The following ATP2A2 variants were observed in gnomAD, a reference collection of about 807,000 sequenced individuals.
ATP2A2 encodes sarcoplasmic/endoplasmic reticulum calcium ATPase 2.
A neutral mutation model predicts 109.3 loss-of-function variants in ATP2A2; 14 were observed. That is an observed-to-expected ratio of 0.13 (90% CI 0.08 to 0.20). ATP2A2 has a LOEUF of 0.20. Ranked by LOEUF, ATP2A2 falls within the 10% of genes least tolerant of loss-of-function variation. ATP2A2 has a pLI of 1.00. For synonymous variants in ATP2A2, 506 were observed against 490.9 expected (o/e 1.03, Z -0.41); for missense variants, 657 against 1,321.6 (o/e 0.50, Z 7.80).
intron 5 of ATP2A2, among the ~76,000 whole-genome samples, chr12:110,300,520 A>G (rs1874508279): frequency 1.3e-5 from 2 of 150,298 alleles, no homozygotes; most frequent in South Asian, 4.2e-4. Context: ...ACTCCCAGCT[A>G]ATTTTTTGTA....
Position 110,346,628 on chromosome 12 carries a change from G to A in ATP2A2, c.*158G>A. 6.8e-7 allele frequency: 1 copy of A among 1,477,060 alleles called. No homozygotes were observed. Among genetic ancestry groups the A allele is most frequent in the Middle Eastern group, 1.8e-4 (1 of 5,632 alleles). 91.5% of individuals were successfully genotyped at this position (1,477,060 alleles called of 1,614,324 possible). A position where few individuals can be genotyped will look rare whatever the true frequency, so the allele number is the denominator to read the frequency against. Reference sequence around the variant, plus strand: ...TGTTTTGCTTTTTCTGACTCCAGTGGGGCAAGATTTTCCTTTTTTATACAC... The same window carrying A: ...TGTTTTGCTTTTTCTGACTCCAGTGAGGCAAGATTTTCCTTTTTTATACAC... On this transcript the variant is annotated 3_prime_UTR_variant, in exon 20 of 20. Coordinates refer to ENST00000539276, the MANE Select transcript of ATP2A2 (RefSeq NM_170665.4).
At chr12:110,329,306 C>T (rs1566230552) in intron 8 of ATP2A2, 1 of 152,130 alleles carries the variant, frequency 6.6e-6, no homozygotes, top group Non-Finnish European at 1.5e-5. Flanking sequence ...TTATTTTTTC[C>T]ATCTGCTGTT....
At position 110,342,199 on chromosome 12, in the gene ATP2A2, G is replaced by A; in HGVS notation, c.2098-29G>A. 6.2e-7 allele frequency: 1 copy of A among 1,613,832 alleles called. No individual in the cohort carries two copies. Among genetic ancestry groups the A allele is most frequent in the Non-Finnish European group, 8.5e-7 (1 of 1,179,690 alleles). On this transcript the variant is annotated intron_variant, in intron 14 of 19. Transcript: ENST00000539276. The surrounding 1 kb of genome is among the most constrained non-coding windows in gnomAD (Gnocchi z 4.6). The stretch of plus-strand genomic sequence containing the variant: ...GGGTATGAATGTGGCATGCCAGTTG[G>A]CTGACCCAACCATTGCTTTCCCTTT...
rs1877921922 is a variant in ATP2A2 at position 110,327,468 on chromosome 12, T to C, written c.631-85T>C. ...GACCTAGTAGAATGTGTAGAGAATCTGGGTGCCCTAGTCAAAAACCAGCGT... is the reference window on the plus strand; with the variant it reads ...GACCTAGTAGAATGTGTAGAGAATCCGGGTGCCCTAGTCAAAAACCAGCGT... On this transcript the variant is annotated intron_variant, in intron 7 of 19. Transcript: ENST00000539276. This position sits in a 1 kb window ranked among gnomAD's most constrained non-coding sequence, Gnocchi z 4.4. The C allele has an allele frequency of 8.0e-7, 1 of 1,245,296 alleles. No homozygotes were observed. The highest frequency in any genetic ancestry group is 1.5e-5 in the African/African-American group (1 of 67,574). 77.1% of individuals were successfully genotyped at this position (1,245,296 alleles called of 1,614,324 possible).
At position 110,327,807 on chromosome 12, in the gene ATP2A2, C is replaced by T. The variant is rs1463497709; in HGVS notation, c.885C>T (p.Tyr295=). ...CCTGGATCAGAGGTGCTATTTACTA[C>T]TTTAAAATTGCAGTGGCCCTGGCTG... ...GGSWIRGAIY[Y]FKIAVALAVA... The change falls in exon 8 of 20, where the codon TAC becomes TAT. Residue 295 remains tyrosine, a synonymous_variant. Coordinates refer to ENST00000539276, the MANE Select transcript of ATP2A2 (RefSeq NM_170665.4). The surrounding 1 kb of genome is among the most constrained non-coding windows in gnomAD (Gnocchi z 4.4). The T allele has an allele frequency of 6.2e-7, 1 of 1,614,088 alleles. No homozygotes were observed. The highest frequency in any genetic ancestry group is 1.7e-5 in the Admixed American group (1 of 60,006).
Position 110,345,250 on chromosome 12 carries a change from G to A in ATP2A2, c.2609G>A (p.Ser870Asn). The change falls in exon 18 of 20, where the codon AGT becomes AAT. Residue 870 changes from serine to asparagine, a missense_variant and splice_region_variant. Around this residue, in one of 9 missense-constraint regions of ATP2A2, gnomAD observed 125 missense variants for 243.5 expected, o/e 0.51. Transcript: ENST00000539276. The stretch of plus-strand genomic sequence containing the variant: ...GAATTTGATTGGATTTTCTTGCAGA[G>A]TCATTTCCTACAGTGTAAAGAGGAC... ...GGPRVSFYQL[S>N]HFLQCKEDNP... 3 of 1,614,204 alleles carry A rather than the reference G, an allele frequency of 1.9e-6. No homozygotes were observed. Among genetic ancestry groups the A allele is most frequent in the Non-Finnish European group, 1.7e-6 (2 of 1,180,046 alleles).
chr12:110,317,421 T>G (rs1001374303), intron 5 of ATP2A2, among the ~76,000 whole-genome samples: 1 of 99,726 alleles, frequency 1.0e-5, no homozygotes, highest in South Asian at 2.5e-4. Flanking sequence ...TTTGTTTGGG[T>G]TTTTTTTGAG....
At chr12:110,281,149 G>GGCCGCGCCGCCCGC (rs1205096777), upstream of ATP2A2, 6 of 149,636 alleles carry the variant, frequency 4.0e-5, no homozygotes, top group African/African-American at 1.5e-4. Context: ...GAGGGGGCGG[G>GGCCGCGCCGCCCGC]GCCGCGCCGC....
intron 5 of ATP2A2, among the ~76,000 whole-genome samples, chr12:110,298,484 C>T: frequency 6.6e-6 from 1 of 152,154 alleles, no homozygotes; most frequent in South Asian, 2.1e-4. Flanking sequence ...CTTTGGGAGG[C>T]TGAGGTGGGC....
chr12:110,315,350 A>G (rs999069591), intron 5 of ATP2A2, among the ~76,000 whole-genome samples: 1 of 152,220 alleles, frequency 6.6e-6, no homozygotes, highest in East Asian at 1.9e-4. Flanking sequence ...TTCTACCCCC[A>G]TAACTCTAGT....
chr12:110,302,453 A>G (rs779706415), intron 5 of ATP2A2, among the ~76,000 whole-genome samples: 6 of 152,128 alleles, frequency 3.9e-5, no homozygotes, highest in Non-Finnish European at 7.4e-5. Flanking sequence ...TCCTTCATAG[A>G]TAGTGCTGAT....
At chr12:110,292,349 C>G (rs551812243) in intron 4 of ATP2A2, among the ~76,000 whole-genome samples, 1 of 152,092 alleles carries the variant, frequency 6.6e-6, no homozygotes, top group African/African-American at 2.4e-5. Flanking sequence ...TCACTGCAAC[C>G]TCTTCCTCCC....
intron 5 of ATP2A2, among the ~76,000 whole-genome samples, chr12:110,321,314 G>T (rs1877220132): frequency 6.6e-6 from 1 of 152,222 alleles, no homozygotes; most frequent in African/African-American, 2.4e-5. Context: ...CTGGTAACAT[G>T]CAATTCAGTA....
chr12:110,307,702 G>A (rs1317256287), intron 5 of ATP2A2, among the ~76,000 whole-genome samples: 1 of 152,140 alleles, frequency 6.6e-6, no homozygotes, highest in Non-Finnish European at 1.5e-5. Context: ...TTTTGTGTGT[G>A]TGTTTGTGTG....
At chr12:110,290,916 T>G (rs893914706) in intron 3 of ATP2A2, among the ~76,000 whole-genome samples, 11 of 148,246 alleles carry the variant, frequency 7.4e-5, no homozygotes, top group African/African-American at 2.5e-4. Context: ...GAAGTATAGT[T>G]TTTTGTTTGT....
chr12:110,318,873 T>C (rs1303921987), intron 5 of ATP2A2, among the ~76,000 whole-genome samples: 2 of 152,202 alleles, frequency 1.3e-5, no homozygotes, highest in Non-Finnish European at 2.9e-5. Context: ...GGTAGCATAT[T>C]TCCCAAGTGT....
At chr12:110,322,521 C>T (rs950953531) in intron 5 of ATP2A2, among the ~76,000 whole-genome samples, 2 of 151,746 alleles carry the variant, frequency 1.3e-5, no homozygotes, top group Non-Finnish European at 2.9e-5. Context: ...TTTGCATTTG[C>T]CATGTGTTTC....
chr12:110,298,673 G>C (rs921639539), intron 5 of ATP2A2, among the ~76,000 whole-genome samples: 4 of 152,176 alleles, frequency 2.6e-5, no homozygotes, highest in Non-Finnish European at 5.9e-5. Flanking sequence ...AGCCGAGGTC[G>C]TGCCATTTCA....
At chr12:110,301,912 T>C (rs1874689255) in intron 5 of ATP2A2, among the ~76,000 whole-genome samples, 1 of 152,218 alleles carries the variant, frequency 6.6e-6, no homozygotes, top group Non-Finnish European at 1.5e-5. Flanking sequence ...ATAGAGTTTA[T>C]TAATTTGCTC....
Sources: allele counts gnomAD v4.1 joint callset (sites outside exome capture counted in the v4.1 genomes callset), GRCh38; gene constraint gnomAD v4.1.1; regional missense constraint gnomAD v4.1.1; non-coding constraint Gnocchi (gnomAD v3.1); transcripts MANE v1.5; gene names NCBI Gene and HGNC (gene_info 2026-07-23, HGNC 2026-07-21).